The following SLC38A6 variants were observed in gnomAD, a reference collection of about 807,000 sequenced individuals.
SLC38A6 encodes solute carrier family 38 member 6, also known as N system amino acid transporter NAT-1.
A neutral mutation model predicts 65.0 loss-of-function variants in SLC38A6; 73 were observed. The ratio of observed to expected loss-of-function variants is 1.12; its 90% CI spans 0.93 to 1.37. The LOEUF (loss-of-function observed/expected upper bound fraction) is 1.37, where lower values mean the gene tolerates loss of function less well. SLC38A6 is among the 40% of genes most tolerant of loss of function. The pLI, the probability that SLC38A6 is intolerant of heterozygous loss-of-function variation, is 0.00. For synonymous variants in SLC38A6, 183 were observed against 178.8 expected (o/e 1.02, Z -0.19); for missense variants, 561 against 531.1 (o/e 1.06, Z -0.55).
chr14:61,041,357 T>G (rs771175681), intron 8 of SLC38A6, among the ~76,000 whole-genome samples: 1 of 152,208 alleles, frequency 6.6e-6, no homozygotes, highest in Non-Finnish European at 1.5e-5. Context: ...AAATTAGCTG[T>G]AGTAACTGAA....
chr14:61,039,391 G>A (rs2041630902), intron 8 of SLC38A6, among the ~76,000 whole-genome samples: 1 of 151,738 alleles, frequency 6.6e-6, no homozygotes, highest in Non-Finnish European at 1.5e-5. Context: ...TTTATTTTGA[G>A]ACAGAGTTTT....
rs1159531220 is a variant in SLC38A6, at chr14:61,043,582, T to G, written c.744+79T>G. On this transcript the variant is annotated intron_variant, in intron 10 of 15. Coordinates refer to ENST00000267488, the MANE Select transcript of SLC38A6 (RefSeq NM_153811.3). ...AAGAGGTTTGTGTAACAGGGTCTCT[T>G]AGGTCTTTGTACCTGTGACTAATTA... 5.0e-6 allele frequency: 5 copies of G among 997,032 alleles called. No homozygotes were observed. In the African/African-American group the frequency reaches 8.2e-5, roughly 16 times the overall value. The allele number at this position is 997,032 out of a possible 1,614,324, so 61.8% of individuals were successfully genotyped here.
At chr14:61,077,433 C>G (rs1321113517) in intron 15 of SLC38A6, among the ~76,000 whole-genome samples, 1 of 152,132 alleles carries the variant, frequency 6.6e-6, no homozygotes, top group Non-Finnish European at 1.5e-5. Context: ...CGAAAAATAT[C>G]TAAATAAGTT....
intron 3 of SLC38A6, among the ~76,000 whole-genome samples, chr14:61,011,934 A>C (rs182327037): frequency 2.1e-4 from 32 of 152,218 alleles, no homozygotes; most frequent in African/African-American, 7.0e-4. Flanking sequence ...TTTTCTATTG[A>C]TTGGAATAGT....
chr14:60,981,495 C>G (rs1464864912), intron 1 of SLC38A6, 113 bp downstream of exon 1: 6 of 1,536,100 alleles, frequency 3.9e-6, no homozygotes, highest in Non-Finnish European at 5.2e-6. Flanking sequence ...GATGCTGGAG[C>G]CTGAACCCTG....
intron 8 of SLC38A6, among the ~76,000 whole-genome samples, chr14:61,039,403 C>T (rs1291460173): frequency 2.0e-5 from 3 of 151,896 alleles, no homozygotes; most frequent in African/African-American, 7.3e-5. Flanking sequence ...CAGAGTTTTG[C>T]TCTGTCACCC....
intron 3 of SLC38A6, among the ~76,000 whole-genome samples, chr14:60,991,236 A>G (rs1305219361): frequency 6.6e-6 from 1 of 152,088 alleles, no homozygotes; most frequent in African/African-American, 2.4e-5. Flanking sequence ...AGTCCAACAC[A>G]AGTCTTCTGC....
chr14:60,981,567 A>G (rs2037023363), intron 1 of SLC38A6, 185 bp downstream of exon 1: 1 of 1,525,944 alleles, frequency 6.6e-7, no homozygotes, highest in African/African-American at 1.4e-5. Context: ...TATGAACGTG[A>G]TAGCAGCCTA....
chr14:60,986,246 C>T (rs1255137063), intron 3 of SLC38A6, among the ~76,000 whole-genome samples: 2 of 152,250 alleles, frequency 1.3e-5, no homozygotes, highest in African/African-American at 2.4e-5. Context: ...CAGAAATACT[C>T]ATAGATCTTT....
intron 8 of SLC38A6, among the ~76,000 whole-genome samples, chr14:61,041,853 TTG>T (rs1189382961): frequency 6.6e-6 from 1 of 152,048 alleles, no homozygotes; most frequent in African/African-American, 2.4e-5. Context: ...TGAGCTGAGA[TTG>T]TGTTACTGCA....
chr14:61,029,872 A>T (rs2040844791), intron 5 of SLC38A6, among the ~76,000 whole-genome samples: 2 of 152,172 alleles, frequency 1.3e-5, no homozygotes, highest in Admixed American at 6.5e-5. Flanking sequence ...TTTTAAATGT[A>T]ATTCATTATG....
At chr14:61,014,420 A>C (rs1012924859) in intron 3 of SLC38A6, among the ~76,000 whole-genome samples, 4 of 152,020 alleles carry the variant, frequency 2.6e-5, no homozygotes, top group Non-Finnish European at 4.4e-5. Context: ...TGTTCCATTG[A>C]TGGTGAGGAG....
chr14:61,015,070 G>A (rs138774996), intron 3 of SLC38A6, among the ~76,000 whole-genome samples: 1,878 of 152,294 alleles, frequency 0.012, 40 homozygotes, highest in African/African-American at 0.043. Flanking sequence ...ACCTATTGAA[G>A]CCTCGGCAAT....
chr14:61,045,451 A>G, intron 11 of SLC38A6, 26 bp downstream of exon 11: 1 of 1,526,914 alleles, frequency 6.5e-7, no homozygotes, highest in Non-Finnish European at 9.0e-7. Flanking sequence ...GGAATATTTT[A>G]AATATATTGT....
At chr14:61,074,583 A>G (rs1440235934) in intron 15 of SLC38A6, among the ~76,000 whole-genome samples, 12 of 152,102 alleles carry the variant, frequency 7.9e-5, no homozygotes, top group Non-Finnish European at 1.8e-4. Context: ...CAAAGACCCC[A>G]TCTTGAAATA....
chr14:61,018,329 T>A (rs184353843), intron 4 of SLC38A6, among the ~76,000 whole-genome samples: 1 of 152,222 alleles, frequency 6.6e-6, no homozygotes, highest in Non-Finnish European at 1.5e-5. Context: ...AAGTTTTACA[T>A]AGGCTGAAAT....
intron 1 of SLC38A6, 32 bp from the exon 2 acceptor site, chr14:60,982,476 C>T: frequency 1.3e-6 from 2 of 1,594,344 alleles, no homozygotes; most frequent in Non-Finnish European, 1.7e-6. Flanking sequence ...ACCGTCCAAA[C>T]ATTTAACACT....
At chr14:61,063,512 C>A (rs1223448146) in intron 15 of SLC38A6, among the ~76,000 whole-genome samples, 1 of 152,110 alleles carries the variant, frequency 6.6e-6, no homozygotes, top group Non-Finnish European at 1.5e-5. Context: ...GGCTCTCCTC[C>A]CATGAAATTC....
At chr14:61,071,852 G>A (rs1350110501) in intron 15 of SLC38A6, among the ~76,000 whole-genome samples, 1 of 152,072 alleles carries the variant, frequency 6.6e-6, no homozygotes, top group Non-Finnish European at 1.5e-5. Flanking sequence ...TTACATATTA[G>A]CATCTCTCAC....
Sources: allele counts gnomAD v4.1 joint callset (sites outside exome capture counted in the v4.1 genomes callset), GRCh38; gene constraint gnomAD v4.1.1; transcripts MANE v1.5; gene names NCBI Gene and HGNC (gene_info 2026-07-23, HGNC 2026-07-21).